The following PCCA variants were observed in gnomAD, a reference collection of about 807,000 sequenced individuals.
PCCA encodes propionyl-CoA carboxylase subunit alpha.
Under a neutral mutation model 101.3 loss-of-function variants are expected in PCCA, and 74 were observed. The observed-to-expected ratio is 0.73, with a 90% CI of 0.61 to 0.89. PCCA has a LOEUF of 0.89. Ranked by LOEUF, PCCA falls within the 40% of genes least tolerant of loss-of-function variation. The pLI, the probability that PCCA is intolerant of heterozygous loss-of-function variation, is 0.00. For synonymous variants in PCCA, 294 were observed against 313.6 expected, an observed-to-expected ratio of 0.94 and a Z score of 0.66; for missense variants, 891 against 907.0, an observed-to-expected ratio of 0.98 and a Z score of 0.23.
intron 19 of PCCA, among the ~76,000 whole-genome samples, chr13:100,392,927 A>G (rs2076873749): frequency 6.6e-6 from 1 of 152,136 alleles, no homozygotes; most frequent in Non-Finnish European, 1.5e-5. Flanking sequence ...TCACCCAGGG[A>G]AGGTCAAGTG....
At chr13:100,123,561 T>C (rs747982774) in intron 4 of PCCA, among the ~76,000 whole-genome samples, 3 of 152,212 alleles carry the variant, frequency 2.0e-5, no homozygotes, top group Admixed American at 6.5e-5. Flanking sequence ...CTTATTTTTG[T>C]ATAGGGAAAC....
intron 7 of PCCA, among the ~76,000 whole-genome samples, chr13:100,210,855 T>C (rs983650608): frequency 5.3e-5 from 8 of 152,212 alleles, no homozygotes; most frequent in African/African-American, 1.9e-4. Flanking sequence ...TTAATAAATA[T>C]CCTCAGCTTC....
At chr13:100,495,806 T>C (rs1332578346) in intron 21 of PCCA, among the ~76,000 whole-genome samples, 1 of 152,140 alleles carries the variant, frequency 6.6e-6, no homozygotes, top group Middle Eastern at 3.2e-3. Context: ...GGAAAACTTA[T>C]TTTGATTTTG....
chr13:100,314,172 C>T lies in PCCA; in HGVS notation c.1429+4264C>T, dbSNP rs557954027. Among the ~76,000 whole-genome samples the T allele has an allele frequency of 5.3e-5, 8 of 152,256 alleles. No individual in the cohort carries two copies. The South Asian group carries it at 8.3e-4, about 16-fold the overall frequency. ...GGTTGTAGGTGATAATTTGCACTAT[C>T]ACTCACAGAACTCGCAGAAACTCTT... On this transcript the variant is annotated intron_variant, in intron 16 of 23. Transcript: ENST00000376285.
intron 18 of PCCA, among the ~76,000 whole-genome samples, chr13:100,344,866 T>G (rs2071953670): frequency 6.6e-6 from 1 of 152,224 alleles, no homozygotes; most frequent in Non-Finnish European, 1.5e-5. Flanking sequence ...TTTTGGTAAT[T>G]CTCATTACAT....
At chr13:100,107,267 T>C (rs2047891755) in intron 2 of PCCA, among the ~76,000 whole-genome samples, 1 of 152,226 alleles carries the variant, frequency 6.6e-6, no homozygotes, top group African/African-American at 2.4e-5. Context: ...GCTAACTTGT[T>C]GTCTTATGTA....
In PCCA at chr13:100,300,510, TAAAG is replaced by T. The variant is rs543323566; in HGVS notation, c.1066-946_1066-943del. Among the ~76,000 whole-genome samples the T allele has an allele frequency of 1.8e-4, 27 of 152,348 alleles. 1 individual carries two copies. The South Asian group carries it at 4.8e-3, about 27-fold the overall frequency. On this transcript the variant is annotated intron_variant, in intron 12 of 23. Transcript: ENST00000376285. The stretch of plus-strand genomic sequence containing the variant: ...GTGTATGAAATATGACATGTCATGA[TAAAG>T]AAACTATTGTGAAGTGCATTTAGAA...
At chr13:100,342,303 G>A (rs934447081) in intron 18 of PCCA, among the ~76,000 whole-genome samples, 7 of 151,862 alleles carry the variant, frequency 4.6e-5, no homozygotes, top group East Asian at 1.9e-4. Context: ...TTGCTCTGTC[G>A]CCCAGGCTGG....
intron 19 of PCCA, among the ~76,000 whole-genome samples, chr13:100,377,976 G>C (rs1349418409): frequency 5.3e-5 from 8 of 152,070 alleles, no homozygotes; most frequent in Non-Finnish European, 8.8e-5. Flanking sequence ...GGCAACATTA[G>C]AGTCTTTTCT....
At chr13:100,348,188 C>T (rs1289181906) in intron 18 of PCCA, among the ~76,000 whole-genome samples, 1 of 152,160 alleles carries the variant, frequency 6.6e-6, no homozygotes, top group Non-Finnish European at 1.5e-5. Context: ...ACCAGTAGCC[C>T]ACAGCCCTTC....
chr13:100,411,655 T>C (rs1350571264), intron 19 of PCCA, among the ~76,000 whole-genome samples: 1 of 152,182 alleles, frequency 6.6e-6, no homozygotes, highest in East Asian at 1.9e-4. Context: ...GGCTGATAAG[T>C]CCAAAATCAA....
At chr13:100,497,075 G>A (rs1185898031) in intron 21 of PCCA, among the ~76,000 whole-genome samples, 1 of 152,150 alleles carries the variant, frequency 6.6e-6, no homozygotes, top group Non-Finnish European at 1.5e-5. Flanking sequence ...GGTCTCTTTT[G>A]TCTCTTAATT....
intron 6 of PCCA, among the ~76,000 whole-genome samples, chr13:100,206,365 C>A (rs967917702): frequency 6.6e-6 from 1 of 152,128 alleles, no homozygotes; most frequent in Non-Finnish European, 1.5e-5. Context: ...CTCCCAGGTT[C>A]AAGCAATTCT....
chr13:100,106,593 T>G (rs2047820427), intron 2 of PCCA, among the ~76,000 whole-genome samples: 2 of 151,964 alleles, frequency 1.3e-5, no homozygotes, highest in Admixed American at 6.6e-5. Flanking sequence ...TTTTGTATTT[T>G]TAGTAGAGAT....
intron 8 of PCCA, among the ~76,000 whole-genome samples, chr13:100,255,274 C>T (rs1221402506): frequency 6.6e-6 from 1 of 152,152 alleles, no homozygotes; most frequent in Non-Finnish European, 1.5e-5. Context: ...AATGACTTCC[C>T]ACCTTTTCTG....
At chr13:100,151,602 C>A (rs1296246758) in intron 4 of PCCA, among the ~76,000 whole-genome samples, 5 of 147,998 alleles carry the variant, frequency 3.4e-5, no homozygotes, top group African/African-American at 7.7e-5. Flanking sequence ...AAAAAAAAAC[C>A]AAACAAACAG....
chr13:100,464,586 G>GAAGGGATTTCCAA (rs2152946903), intron 21 of PCCA: 1 of 152,226 alleles, frequency 6.6e-6, no homozygotes, highest in African/African-American at 2.4e-5. Flanking sequence ...GAAAAATCCA[G>GAAGGGATTTCCAA]AGGGAAAATA....
chr13:100,158,149 G>A (rs1490939544), intron 6 of PCCA, among the ~76,000 whole-genome samples: 2 of 152,280 alleles, frequency 1.3e-5, no homozygotes, highest in Non-Finnish European at 2.9e-5. Flanking sequence ...TTGCTGTACT[G>A]GATCCTGTAG....
intron 7 of PCCA, among the ~76,000 whole-genome samples, chr13:100,221,286 G>T (rs766257936): frequency 3.9e-5 from 6 of 152,200 alleles, no homozygotes; most frequent in Non-Finnish European, 8.8e-5. Flanking sequence ...CCTCTACCCA[G>T]TGTGACTCAT....
Sources: allele counts gnomAD v4.1 joint callset (sites outside exome capture counted in the v4.1 genomes callset), GRCh38; gene constraint gnomAD v4.1.1; transcripts MANE v1.5; gene names NCBI Gene and HGNC (gene_info 2026-07-23, HGNC 2026-07-21).